SNAPC1: variants seen among roughly 807,000 people sequenced by gnomAD.
SNAPC1 encodes snRNA-activating protein complex subunit 1.
SNAPC1 carries 42 observed loss-of-function variants against 50.1 expected under a neutral mutation model. The ratio of observed to expected loss-of-function variants is 0.84; its 90% CI spans 0.65 to 1.08. The LOEUF is 1.08. Ranked by LOEUF, SNAPC1 falls within the 50% of genes least tolerant of loss-of-function variation. The pLI is 0.00. For synonymous variants in SNAPC1, 164 were observed against 144.2 expected (o/e 1.14, Z -0.98); for missense variants, 477 against 427.3 (o/e 1.12, Z -1.02).
At chr14:61,778,818 A>G (rs1240075964) in intron 6 of SNAPC1, 30 bp from the exon 7 acceptor site, 13 of 1,399,800 alleles carry the variant, frequency 9.3e-6, no homozygotes, top group Non-Finnish European at 1.3e-5. Context: ...GTGTGTTTTA[A>G]CTTTTTTTTC....
chr14:61,792,839 C>G lies in SNAPC1; in HGVS notation c.1009C>G (p.Pro337Ala). The G allele has an allele frequency of 6.3e-7, 1 of 1,596,320 alleles. No homozygotes were observed. The highest frequency in any genetic ancestry group is 8.6e-7 in the Non-Finnish European group (1 of 1,167,614). The change falls in exon 9 of 10, where the codon CCT becomes GCT. Residue 337 changes from proline (P) to alanine (A), a missense_variant. By Grantham distance (27) the Pro-to-Ala change is conservative. Coordinates refer to ENST00000216294, the MANE Select transcript of SNAPC1 (RefSeq NM_003082.4). The stretch of plus-strand genomic sequence containing the variant: ...GCAGAATATACACAAGGAAGATAAA[C>G]CTTTAAGTCTGAGTATGCCTGTAAT... The part of the protein sequence containing the change: ...NVQNIHKEDK[P>A]LSLSMPVITE...
chr14:61,780,107 T>C (rs1485840136), intron 7 of SNAPC1, among the ~76,000 whole-genome samples: 2 of 152,144 alleles, frequency 1.3e-5, no homozygotes, highest in Non-Finnish European at 2.9e-5. Flanking sequence ...AACCTCTAGA[T>C]TTCTTTGTCT....
intron 8 of SNAPC1, among the ~76,000 whole-genome samples, chr14:61,784,916 A>C (rs2045104769): frequency 6.6e-6 from 1 of 152,202 alleles, no homozygotes; most frequent in African/African-American, 2.4e-5. Flanking sequence ...TTATCATGAT[A>C]TGTGAATGAT....
intron 7 of SNAPC1, among the ~76,000 whole-genome samples, chr14:61,779,866 G>A (rs564053637): frequency 1.3e-5 from 2 of 151,944 alleles, no homozygotes; most frequent in South Asian, 2.1e-4. Context: ...GCATCACCAC[G>A]CATGGCTAAT....
intron 9 of SNAPC1, among the ~76,000 whole-genome samples, chr14:61,793,284 G>A (rs1207654619): frequency 6.6e-6 from 1 of 152,054 alleles, no homozygotes; most frequent in Non-Finnish European, 1.5e-5. Context: ...GCCCAGGCTG[G>A]AGTGCGGTGA....
chr14:61,769,205 A>G (rs1198903556), intron 4 of SNAPC1, among the ~76,000 whole-genome samples: 1 of 151,898 alleles, frequency 6.6e-6, no homozygotes, highest in Non-Finnish European at 1.5e-5. Flanking sequence ...TAAAAATACA[A>G]AAGTTAGCTG....
chr14:61,767,135 C>A, intron 2 of SNAPC1, 77 bp from the exon 3 acceptor site: 1 of 1,124,518 alleles, frequency 8.9e-7, no homozygotes, highest in Non-Finnish European at 1.2e-6. Flanking sequence ...AAATAAAATG[C>A]CAGTATTTTA....
At chr14:61,780,595 A>G (rs2045064698) in intron 7 of SNAPC1, among the ~76,000 whole-genome samples, 1 of 152,144 alleles carries the variant, frequency 6.6e-6, no homozygotes, top group African/African-American at 2.4e-5. Context: ...CCTTTATCGA[A>G]TGCAAAGTTT....
intron 8 of SNAPC1, among the ~76,000 whole-genome samples, chr14:61,784,463 T>TAA (rs35720806): frequency 1.6e-4 from 24 of 148,112 alleles, no homozygotes; most frequent in African/African-American, 4.2e-4. Context: ...ATTCTTGATT[T>TAA]AAAAAAAAAA....
rs1029629320 is a variant in SNAPC1 at position 61,796,354 on chromosome 14, C to T, written c.*1371C>T. The T allele has an allele frequency of 5.3e-5, 8 of 151,958 alleles. No homozygotes were observed. Among genetic ancestry groups the T allele is most frequent in the Admixed American group, 2.0e-4 (3 of 15,254 alleles). The allele number at this position is 151,958 out of a possible 1,614,324, so 9.4% of individuals were successfully genotyped here. On this transcript the variant is annotated 3_prime_UTR_variant, in exon 10 of 10. Coordinates refer to ENST00000216294, the MANE Select transcript of SNAPC1 (RefSeq NM_003082.4). ...AAAAGTTTGGGTTGAAGATCAAATTCGTGATATCTCTATATCTAATCTTTA... is the reference window on the plus strand; with the variant it reads ...AAAAGTTTGGGTTGAAGATCAAATTTGTGATATCTCTATATCTAATCTTTA...
At chr14:61,778,782 G>A (rs2045052066) in intron 6 of SNAPC1, 66 bp from the exon 7 acceptor site, 1 of 894,364 alleles carries the variant, frequency 1.1e-6, no homozygotes, top group South Asian at 1.5e-5. Context: ...TAAATACTTG[G>A]GTATTCAGTT....
At chr14:61,763,235 C>CCTG (rs112333660) in intron 1 of SNAPC1, among the ~76,000 whole-genome samples, 52,555 of 151,406 alleles carry the variant, frequency 0.35, 9,566 homozygotes, top group African/African-American at 0.45. Context: ...TCGTGACCCG[C>CCTG]CCGCCTCGGC....
intron 4 of SNAPC1, among the ~76,000 whole-genome samples, chr14:61,775,471 G>C (rs1468631396): frequency 6.6e-6 from 1 of 152,016 alleles, no homozygotes; most frequent in African/African-American, 2.4e-5. Flanking sequence ...GGCCAGTCTG[G>C]TCTTGAACTC....
intron 7 of SNAPC1, 65 bp downstream of exon 7, chr14:61,778,975 C>T (rs974275385): frequency 1.7e-5 from 16 of 918,422 alleles, no homozygotes; most frequent in Non-Finnish European, 2.4e-5. Flanking sequence ...TTCAATTTTT[C>T]ATCAAAGTAG....
At chr14:61,779,648 T>C (rs2045057540) in intron 7 of SNAPC1, among the ~76,000 whole-genome samples, 2 of 151,646 alleles carry the variant, frequency 1.3e-5, no homozygotes, top group Admixed American at 1.3e-4. Context: ...TTTTTGATGG[T>C]TCCTCCCATT....
Position 61,767,482 on chromosome 14 carries a change from T to C in SNAPC1, c.429+130T>C, listed in dbSNP as rs562928808. 14 of 482,620 alleles carry C rather than the reference T, an allele frequency of 2.9e-5. No homozygotes were observed. In the East Asian group the frequency reaches 4.5e-4, roughly 16 times the overall value. 29.9% of individuals were successfully genotyped at this position (482,620 alleles called of 1,614,324 possible). A position where few individuals can be genotyped will look rare whatever the true frequency, so the allele number is the denominator to read the frequency against. ...CAAGACTTTTAGCTTTTTTTTTTTT[T>C]AGACAGAGTCTTGCTCTGTCGCCCA... On this transcript the variant is annotated intron_variant, in intron 3 of 9. Coordinates refer to ENST00000216294, the MANE Select transcript of SNAPC1 (RefSeq NM_003082.4).
intron 8 of SNAPC1, among the ~76,000 whole-genome samples, chr14:61,785,099 T>A (rs1454441590): frequency 6.6e-6 from 1 of 152,158 alleles, no homozygotes; most frequent in Non-Finnish European, 1.5e-5. Flanking sequence ...TGAATAAATT[T>A]ATTAAGAGAC....
chr14:61,787,479 C>T (rs1248967600), intron 8 of SNAPC1, among the ~76,000 whole-genome samples: 1 of 151,794 alleles, frequency 6.6e-6, no homozygotes, highest in Non-Finnish European at 1.5e-5. Flanking sequence ...TATCGCACAG[C>T]CCCTAGAATC....
chr14:61,770,983 C>T (rs2044985995), intron 4 of SNAPC1, among the ~76,000 whole-genome samples: 1 of 152,206 alleles, frequency 6.6e-6, no homozygotes, highest in African/African-American at 2.4e-5. Context: ...CTCAGGCGAT[C>T]CGCCCGCCTC....
Sources: allele counts gnomAD v4.1 joint callset (sites outside exome capture counted in the v4.1 genomes callset), GRCh38; gene constraint gnomAD v4.1.1; transcripts MANE v1.5; gene names NCBI Gene and HGNC (gene_info 2026-07-23, HGNC 2026-07-21).